GLIS3: variants seen among roughly 807,000 people sequenced by gnomAD.
GLIS3 encodes the protein zinc finger protein GLIS3.
A neutral mutation model predicts 78.6 loss-of-function variants in GLIS3; 53 were observed. The ratio of observed to expected loss-of-function variants is 0.67; its 90% CI spans 0.54 to 0.85. The LOEUF (loss-of-function observed/expected upper bound fraction) is 0.85, where lower values mean the gene tolerates loss of function less well. Ranked by LOEUF, GLIS3 falls within the 40% of genes least tolerant of loss-of-function variation. The pLI is 0.00. For synonymous variants in GLIS3, 684 were observed against 509.9 expected, an observed-to-expected ratio of 1.34 and a Z score of -4.60; for missense variants, 1,703 against 1,231.1, an observed-to-expected ratio of 1.38 and a Z score of -5.74.
rs142955393 is a variant in GLIS3, at chr9:3,947,126, A to C, written c.1711-9937T>G. Reference sequence around the variant, plus strand: ...ATGCTTGGCTACAGGGTCTGTGTTCAACGCACATGGGCTGAAGCAAAGCCT... The same window carrying C: ...ATGCTTGGCTACAGGGTCTGTGTTCCACGCACATGGGCTGAAGCAAAGCCT... On this transcript the variant is annotated intron_variant, in intron 4 of 10. Coordinates refer to ENST00000381971, the MANE Select transcript of GLIS3 (RefSeq NM_001042413.2). Among the ~76,000 whole-genome samples the C allele has an allele frequency of 5.8e-3, 883 of 152,366 alleles. 15 individuals carry two copies. Among genetic ancestry groups the C allele is most frequent in the African/African-American group, 0.02 (819 of 41,588 alleles).
chr9:4,039,927 C>T (rs1488209704), intron 4 of GLIS3, among the ~76,000 whole-genome samples: 1 of 152,158 alleles, frequency 6.6e-6, no homozygotes, highest in African/African-American at 2.4e-5. Context: ...GGGTCAATGC[C>T]AAGCCCAAGG....
chr9:4,414,383 C>A, the GLIS3 span, among the ~76,000 whole-genome samples: 2 of 152,190 alleles, frequency 1.3e-5, no homozygotes, highest in African/African-American at 4.8e-5. Context: ...AGAAATTAAA[C>A]TTCAAATCCT....
chr9:4,027,873 C>T (rs558780227), intron 4 of GLIS3, among the ~76,000 whole-genome samples: 1 of 152,282 alleles, frequency 6.6e-6, no homozygotes, highest in South Asian at 2.1e-4. Flanking sequence ...GGCCATCAAT[C>T]TGTCAGTGGC....
chr9:4,476,788 GAAAAGAAATAAGAAT>G, the GLIS3 span, among the ~76,000 whole-genome samples: 1 of 152,008 alleles, frequency 6.6e-6, no homozygotes, highest in Admixed American at 6.6e-5. Context: ...AAGGAAAAGA[GAAAAGAAATAAGAAT>G]AAAAATTTCT....
chr9:4,216,070 T>G (rs762072222), intron 2 of GLIS3, among the ~76,000 whole-genome samples: 1 of 152,156 alleles, frequency 6.6e-6, no homozygotes, highest in Non-Finnish European at 1.5e-5. Context: ...TGACTACATA[T>G]ACTCAGAGAA....
At chr9:4,241,057 G>T (rs933450582) in intron 2 of GLIS3, among the ~76,000 whole-genome samples, 4 of 152,056 alleles carry the variant, frequency 2.6e-5, no homozygotes, top group African/African-American at 7.2e-5. Context: ...AATACTGATT[G>T]CAAATAAACA....
intron 4 of GLIS3, among the ~76,000 whole-genome samples, chr9:3,995,214 A>T (rs1355539226): frequency 6.6e-6 from 1 of 152,196 alleles, no homozygotes; most frequent in African/African-American, 2.4e-5. Context: ...AAGGATTTTT[A>T]ACCAGAAAAC....
the GLIS3 span, among the ~76,000 whole-genome samples, chr9:4,387,988 G>C: frequency 6.6e-6 from 1 of 152,120 alleles, no homozygotes; most frequent in Non-Finnish European, 1.5e-5. Flanking sequence ...AGGCCTTCTG[G>C]CAATGTTCTC....
intron 2 of GLIS3, among the ~76,000 whole-genome samples, chr9:4,201,810 C>T (rs1819422571): frequency 6.6e-6 from 1 of 152,162 alleles, no homozygotes; most frequent in Non-Finnish European, 1.5e-5. Context: ...CTAATAACTT[C>T]ATTTTTCACA....
rs59495657 is a variant in GLIS3 at position 3,991,683 on chromosome 9, ATTTTT to A, written c.1711-54499_1711-54495del. Among the ~76,000 whole-genome samples the A allele has an allele frequency of 4.7e-4, 41 of 87,902 alleles. No homozygotes were observed. The South Asian group carries it at 5.7e-3, about 12-fold the overall frequency. 57.7% of individuals were successfully genotyped at this position (87,902 alleles called of 152,430 possible). A position where few individuals can be genotyped will look rare whatever the true frequency, so the allele number is the denominator to read the frequency against. ...GTTCAGAATTTCATTAAGTAGGCTG[ATTTTT>A]TTTTTTTTTTTTTTTTTTTTGAGAC... On this transcript the variant is annotated intron_variant, in intron 4 of 10. Transcript: ENST00000381971.
At chr9:4,144,059 G>T (rs111563831) in intron 2 of GLIS3, among the ~76,000 whole-genome samples, 1 of 152,180 alleles carries the variant, frequency 6.6e-6, no homozygotes, top group Admixed American at 6.5e-5. Context: ...CATGGTTTGG[G>T]GGAGGGTGGG....
intron 2 of GLIS3, among the ~76,000 whole-genome samples, chr9:4,247,916 C>T (rs1823952275): frequency 6.6e-6 from 1 of 152,086 alleles, no homozygotes; most frequent in Non-Finnish European, 1.5e-5. Context: ...TTTGAAATTA[C>T]TCTCAGTTAT....
At chr9:4,453,578 G>A in the GLIS3 span, among the ~76,000 whole-genome samples, 34 of 152,262 alleles carry the variant, frequency 2.2e-4, no homozygotes, top group South Asian at 2.3e-3. Context: ...ATGAAAAAAC[G>A]CTCATCATTG....
intron 4 of GLIS3, among the ~76,000 whole-genome samples, chr9:4,112,774 T>C (rs745381616): frequency 2.6e-5 from 4 of 152,280 alleles, no homozygotes; most frequent in Non-Finnish European, 5.9e-5. Context: ...ATCCTTATAG[T>C]TATGAAATAT....
the GLIS3 span, among the ~76,000 whole-genome samples, chr9:4,409,451 T>G: frequency 2.6e-5 from 4 of 152,186 alleles, no homozygotes; most frequent in African/African-American, 9.7e-5. Flanking sequence ...TCTCCAAACA[T>G]CACCTTACTA....
the GLIS3 span, among the ~76,000 whole-genome samples, chr9:4,464,697 A>T: frequency 1.3e-5 from 2 of 152,154 alleles, no homozygotes; most frequent in African/African-American, 4.8e-5. Context: ...GCCTGGCCTG[A>T]TATTTTCTTT....
rs771271804 is a variant in GLIS3, at chr9:3,966,434, GC to G, written c.1711-29246del. On this transcript the variant is annotated intron_variant, in intron 4 of 10. Coordinates refer to ENST00000381971, the MANE Select transcript of GLIS3 (RefSeq NM_001042413.2). The stretch of plus-strand genomic sequence containing the variant: ...CTAAATTTGACTTCAATGATGCAAA[GC>G]CTTTTTTTTTTCAGATAATGCTAAT... 1.2e-3 allele frequency among the ~76,000 whole-genome samples: 180 copies of G among 148,836 alleles called. 1 individual carries two copies. Among genetic ancestry groups the G allele is most frequent in the Middle Eastern group, 7.4e-3 (2 of 270 alleles).
chr9:3,888,143 A>AGAC (rs1427462394), intron 7 of GLIS3, among the ~76,000 whole-genome samples: 1 of 152,172 alleles, frequency 6.6e-6, no homozygotes, highest in African/African-American at 2.4e-5. Flanking sequence ...AAAAGGAGAA[A>AGAC]GACGGGGTAG....
At chr9:3,948,725 T>G (rs1816468524) in intron 4 of GLIS3, among the ~76,000 whole-genome samples, 1 of 152,206 alleles carries the variant, frequency 6.6e-6, no homozygotes, top group Non-Finnish European at 1.5e-5. Context: ...TAGTTGGCCT[T>G]TGCATTGAAT....
Sources: allele counts gnomAD v4.1 joint callset (sites outside exome capture counted in the v4.1 genomes callset), GRCh38; gene constraint gnomAD v4.1.1; transcripts MANE v1.5; gene names NCBI Gene and HGNC (gene_info 2026-07-23, HGNC 2026-07-21).